The following MATK variants were observed in gnomAD, a reference collection of about 807,000 sequenced individuals.
The protein encoded by MATK is megakaryocyte-associated tyrosine-protein kinase.
MATK carries 41 observed loss-of-function variants against 59.8 expected under a neutral mutation model. That is an observed-to-expected ratio of 0.69 (90% confidence interval 0.53 to 0.89). The LOEUF is 0.89. Among genes scored for constraint, MATK ranks in the 40% least tolerant of loss-of-function variants. MATK has a pLI of 0.00. For synonymous variants in MATK, 308 were observed against 306.1 expected (o/e 1.01, Z -0.06); for missense variants, 593 against 719.6 (o/e 0.82, Z 2.01).
At chr19:3,784,260 G>A (rs1481201778) in intron 4 of MATK, 21 bp from the exon 5 acceptor site, 2 of 1,605,088 alleles carry the variant, frequency 1.2e-6, no homozygotes, top group East Asian at 2.2e-5. Flanking sequence ...GGAAGCACGG[G>A]GTTAGTGTGG....
In MATK at chr19:3,792,599, T is replaced by G. The variant is rs1249550313; in HGVS notation, c.-57-3195A>C. ...TGCGATCTCAGCTCACTGCAACCTCTGCCTCCTGGGTTCAAGCGATTCTCC... is the reference window on the plus strand; with the variant it reads ...TGCGATCTCAGCTCACTGCAACCTCGGCCTCCTGGGTTCAAGCGATTCTCC... On this transcript the variant is annotated intron_variant, in intron 1 of 13. Transcript: ENST00000395045. Among the ~76,000 whole-genome samples, 3 of 144,964 alleles carry G rather than the reference T, an allele frequency of 2.1e-5. No homozygotes were observed. In the East Asian group the frequency reaches 6.2e-4, roughly 30 times the overall value.
chr19:3,781,766 C>T, intron 7 of MATK, 94 bp from the exon 8 acceptor site: 2 of 972,514 alleles, frequency 2.1e-6, no homozygotes, highest in Non-Finnish European at 3.2e-6. Flanking sequence ...ATGTCTCTCA[C>T]AGTGCTGCAG....
At chr19:3,788,779 C>A (rs1033610442), upstream of MATK, among the ~76,000 whole-genome samples, 1 of 151,540 alleles carries the variant, frequency 6.6e-6, no homozygotes, top group South Asian at 2.1e-4. Context: ...GCAACCTCTG[C>A]CTCCTGGATT....
At chr19:3,785,327 G>A (rs2037466806) in intron 1 of MATK, 41 bp from the exon 2 acceptor site, 4 of 1,295,890 alleles carry the variant, frequency 3.1e-6, no homozygotes, top group Non-Finnish European at 3.1e-6. Context: ...ATAGGGATGA[G>A]TCAAGGTCAT....
At position 3,778,193 on chromosome 19, in the gene MATK, T is replaced by C. The variant is rs1167997963; in HGVS notation, c.1514A>G (p.Gln505Arg). ...DADGSTSPRS[Q>R]EP The stretch of plus-strand genomic sequence containing the variant: ...CCCCACCGGGTGGGGTCAGGGCTCC[T>C]GGCTTCGGGGCGAGGTGGAGCCGTC... Residue 505 changes from glutamine to arginine, a missense_variant, in exon 14 of 14, where the codon CAG (glutamine) becomes CGG (arginine). By Grantham distance (43) the Gln-to-Arg change is conservative (BLOSUM62 1). Transcript: ENST00000310132. The C allele has an allele frequency of 1.3e-6, 2 of 1,559,732 alleles. No individual in the cohort carries two copies. Among genetic ancestry groups the C allele is most frequent in the Non-Finnish European group, 1.7e-6 (2 of 1,160,138 alleles).
At chr19:3,800,505 G>A (rs1423874321) in intron 1 of MATK, among the ~76,000 whole-genome samples, 1 of 152,058 alleles carries the variant, frequency 6.6e-6, no homozygotes, top group East Asian at 1.9e-4. Flanking sequence ...AATTAGCTGG[G>A]CGTGGTGGCA....
chr19:3,781,554 CA>C, intron 8 of MATK, 52 bp downstream of exon 8: 1 of 1,584,828 alleles, frequency 6.3e-7, no homozygotes, highest in East Asian at 2.2e-5. Context: ...TCCAAAGCCT[CA>C]ATACGCACCT....
intron 7 of MATK, among the ~76,000 whole-genome samples, chr19:3,781,971 C>G (rs1294702424): frequency 6.6e-6 from 1 of 152,202 alleles, no homozygotes; most frequent in African/African-American, 2.4e-5. Context: ...CTGAGACCCT[C>G]AGACCCCACA....
At chr19:3,790,673 G>A (rs547830005), upstream of MATK, among the ~76,000 whole-genome samples, 1 of 152,216 alleles carries the variant, frequency 6.6e-6, no homozygotes, top group Admixed American at 6.5e-5. Flanking sequence ...CCACGCCTTT[G>A]CACTGGCTGT....
chr19:3,798,831 G>C (rs908545699), intron 1 of MATK, among the ~76,000 whole-genome samples: 16 of 151,328 alleles, frequency 1.1e-4, no homozygotes, highest in Admixed American at 1.1e-3. Context: ...TTTAAGGCAG[G>C]GTCTCACTCT....
In MATK at chr19:3,778,227, G is replaced by A; in HGVS notation, c.1480C>T (p.Gln494Ter). 6.4e-7 allele frequency: 1 copy of A among 1,574,424 alleles called. No individual in the cohort carries two copies. Among genetic ancestry groups the A allele is most frequent in the Non-Finnish European group, 8.5e-7 (1 of 1,170,256 alleles). The change falls in exon 14 of 14, where the codon CAG becomes TAG. Residue 494 changes from glutamine (Q) to a stop codon, truncating the protein, a stop_gained. Coordinates refer to ENST00000310132, the MANE Select transcript of MATK (RefSeq NM_139355.3). LOFTEE classifies it high-confidence loss of function. Reference sequence around the variant, plus strand: ...GGCGAGGTGGAGCCGTCGGCGTCCTGCCCTGAGACGGAGGCTGGGGCACCT... The same window carrying A: ...GGCGAGGTGGAGCCGTCGGCGTCCTACCCTGAGACGGAGGCTGGGGCACCT... Reference protein sequence around the residue: ...SAGAPASVSGQDADGSTSPRS... With the variant: ...SAGAPASVSG
chr19:3,784,657 G>A (rs1161384421), intron 3 of MATK, 168 bp downstream of exon 3: 6 of 683,384 alleles, frequency 8.8e-6, no homozygotes, highest in East Asian at 2.7e-5. Context: ...AAAGAGAGGC[G>A]GCCTGGGACA....
At chr19:3,797,453 T>G (rs999582298) in intron 1 of MATK, among the ~76,000 whole-genome samples, 2 of 151,258 alleles carry the variant, frequency 1.3e-5, no homozygotes, top group African/African-American at 2.4e-5. Flanking sequence ...CCTGCCACCA[T>G]GCTGGCTAAT....
At chr19:3,798,897 C>A (rs1045314244) in intron 1 of MATK, among the ~76,000 whole-genome samples, 1 of 152,016 alleles carries the variant, frequency 6.6e-6, no homozygotes, top group Non-Finnish European at 1.5e-5. Flanking sequence ...CCTCAACCTC[C>A]AGGGCTCAAG....
intron 6 of MATK, 75 bp from the exon 7 acceptor site, chr19:3,783,294 G>T (rs780250300): frequency 9.6e-6 from 6 of 627,148 alleles, no homozygotes; most frequent in African/African-American, 2.4e-5. Context: ...TTCCCGGGTG[G>T]CCTCTGGGTG....
intron 9 of MATK, 35 bp downstream of exon 9, chr19:3,779,663 C>A (rs200244174): frequency 9.1e-5 from 146 of 1,609,958 alleles, no homozygotes; most frequent in Middle Eastern, 6.8e-4. Context: ...GGACCCCCCC[C>A]GTCCCACGGT....
Position 3,778,361 on chromosome 19 carries a change from C to T in MATK, c.1346G>A (p.Cys449Tyr). Residue 449 changes from cysteine (C) to tyrosine (Y), a missense_variant, in exon 14 of 14, where the codon TGT becomes TAT. By Grantham distance (194) the Cys-to-Tyr change is radical (BLOSUM62 -2). Coordinates refer to ENST00000310132, the MANE Select transcript of MATK (RefSeq NM_139355.3). ...KGYRMEPPEG[C>Y]PGPVHVLMSS... Reference sequence around the variant, plus strand: ...CATGAGGACGTGCACGGGGCCTGGACAGCCCTCGGGGGGTTCCATGCGGTA... The same window carrying T: ...CATGAGGACGTGCACGGGGCCTGGATAGCCCTCGGGGGGTTCCATGCGGTA... The T allele has an allele frequency of 6.2e-7, 1 of 1,600,238 alleles. No individual in the cohort carries two copies. Among genetic ancestry groups the T allele is most frequent in the Non-Finnish European group, 8.5e-7 (1 of 1,174,440 alleles).
chr19:3,783,260 G>A (rs770622417), intron 6 of MATK, 41 bp from the exon 7 acceptor site: 13 of 1,252,412 alleles, frequency 1.0e-5, no homozygotes, highest in Non-Finnish European at 1.4e-5. Context: ...GCCCCAGGGA[G>A]GGGAACCCCA....
intron 1 of MATK, among the ~76,000 whole-genome samples, chr19:3,801,369 G>A (rs546806154): frequency 3.3e-5 from 5 of 152,252 alleles, no homozygotes; most frequent in African/African-American, 9.6e-5. Flanking sequence ...GACTGTGACT[G>A]GGCCGGGGGA....
Sources: allele counts gnomAD v4.1 joint callset (sites outside exome capture counted in the v4.1 genomes callset), GRCh38; gene constraint gnomAD v4.1.1; transcripts MANE v1.5; gene names NCBI Gene and HGNC (gene_info 2026-07-23, HGNC 2026-07-21).